The following MXD1 variants were observed in gnomAD, a reference collection of about 807,000 sequenced individuals.
MXD1 encodes MAX-binding protein.
A neutral mutation model predicts 25.7 loss-of-function variants in MXD1; 9 were observed. The observed-to-expected ratio is 0.35, with a 90% CI of 0.21 to 0.61. MXD1 has a LOEUF of 0.61. Among genes scored for constraint, MXD1 ranks in the 20% least tolerant of loss-of-function variants. The pLI is 0.75. For synonymous variants in MXD1, 99 were observed against 113.9 expected (o/e 0.87, Z 0.83); for missense variants, 227 against 292.4 (o/e 0.78, Z 1.63).
At chr2:69,923,346 C>T (rs1677107881) in intron 3 of MXD1, among the ~76,000 whole-genome samples, 1 of 152,140 alleles carries the variant, frequency 6.6e-6, no homozygotes, top group South Asian at 2.1e-4. Context: ...GCGGGCTACC[C>T]ATCCAAATTG....
Position 69,915,216 on chromosome 2 carries a change from G to T in MXD1, c.-115G>T. The T allele has an allele frequency of 1.1e-6, 1 of 936,996 alleles. No homozygotes were observed. The highest frequency in any genetic ancestry group is 1.4e-6 in the Non-Finnish European group (1 of 699,982). 58.0% of individuals were successfully genotyped at this position (936,996 alleles called of 1,614,324 possible). A position where few individuals can be genotyped will look rare whatever the true frequency, so the allele number is the denominator to read the frequency against. ...GAGGCTCCCTCAGCCCTGCTCCGCG[G>T]GGTCCACAGCGGGCTCCACAGCGGG... On this transcript the variant is annotated 5_prime_UTR_variant, in exon 1 of 6. Transcript: ENST00000264444. The surrounding 1 kb of genome is among the most constrained non-coding windows in gnomAD (Gnocchi z 5.8).
In MXD1 at chr2:69,937,274, G is replaced by A. The variant is rs1677472454; in HGVS notation, c.358G>A (p.Asp120Asn). ...TGACAGAAAAGCCGTTCACCAAATC[G>A]ACCAGCTTCAGCGAGAGCAGCGACA... Reference protein sequence around the residue: ...DCDRKAVHQIDQLQREQRHLK... With the variant: ...DCDRKAVHQINQLQREQRHLK... Residue 120 changes from aspartate to asparagine, a missense_variant, in exon 5 of 6, where the codon GAC (aspartate) becomes AAC (asparagine). By Grantham distance (23) the Asp-to-Asn change is conservative. Coordinates refer to ENST00000264444, the MANE Select transcript of MXD1 (RefSeq NM_002357.4). 3.7e-6 allele frequency: 6 copies of A among 1,613,988 alleles called. No individual in the cohort carries two copies. In the South Asian group the frequency reaches 4.4e-5, roughly 12 times the overall value.
intron 2 of MXD1, among the ~76,000 whole-genome samples, chr2:69,920,037 A>C (rs911940264): frequency 2.0e-5 from 3 of 151,352 alleles, no homozygotes; most frequent in African/African-American, 7.3e-5. Flanking sequence ...TTTGAGATGG[A>C]GTCTCCCTCT....
intron 2 of MXD1, among the ~76,000 whole-genome samples, chr2:69,918,502 C>A (rs899536168): frequency 6.6e-6 from 1 of 152,202 alleles, no homozygotes; most frequent in Non-Finnish European, 1.5e-5. Context: ...TTTTTGAAGT[C>A]AATTACTAAT....
At chr2:69,917,785 G>A (rs952379547) in intron 2 of MXD1, among the ~76,000 whole-genome samples, 19 of 150,696 alleles carry the variant, frequency 1.3e-4, no homozygotes, top group African/African-American at 4.2e-4. Flanking sequence ...GCCAAGAAAT[G>A]GATTCTTTCT....
At chr2:69,931,324 C>T (rs1239297608) in intron 3 of MXD1, among the ~76,000 whole-genome samples, 1 of 152,074 alleles carries the variant, frequency 6.6e-6, no homozygotes, top group Non-Finnish European at 1.5e-5. Flanking sequence ...ACCTCCTGCC[C>T]ACCCCCGCTA....
rs201533809 is a variant in MXD1 at position 69,937,411 on chromosome 2, C to T, written c.478+17C>T. On this transcript the variant is annotated intron_variant, in intron 5 of 5. Coordinates refer to ENST00000264444, the MANE Select transcript of MXD1 (RefSeq NM_002357.4). ...CCGACAGGGGTGAGCCTCTCTCACT[C>T]TCCTCCCTGTCTCCCTTGTGCTCCC... 161 of 1,585,568 alleles carry T rather than the reference C, an allele frequency of 1.0e-4. 1 individual carries two copies. The East Asian group carries it at 2.5e-3, about 25-fold the overall frequency.
intron 3 of MXD1, among the ~76,000 whole-genome samples, chr2:69,931,531 G>A (rs369417417): frequency 6.6e-6 from 1 of 152,198 alleles, no homozygotes; most frequent in African/African-American, 2.4e-5. Context: ...TGGCTGAATA[G>A]TACTCCATTA....
In MXD1 at chr2:69,915,218, G is replaced by C. The variant is rs1573397072; in HGVS notation, c.-113G>C. The C allele has an allele frequency of 4.1e-6, 4 of 966,838 alleles. No homozygotes were observed. Among genetic ancestry groups the C allele is most frequent in the Non-Finnish European group, 5.5e-6 (4 of 726,842 alleles). 59.9% of individuals were successfully genotyped at this position (966,838 alleles called of 1,614,324 possible). ...GGCTCCCTCAGCCCTGCTCCGCGGG[G>C]TCCACAGCGGGCTCCACAGCGGGCT... On this transcript the variant is annotated 5_prime_UTR_variant, in exon 1 of 6. Transcript: ENST00000264444. This position sits in a 1 kb window ranked among gnomAD's most constrained non-coding sequence, Gnocchi z 5.8.
In MXD1 at chr2:69,941,931, C is replaced by A. The variant is rs1175586873; in HGVS notation, c.*3647C>A. 1 of 151,948 alleles carries A rather than the reference C, an allele frequency of 6.6e-6. No homozygotes were observed. The highest frequency in any genetic ancestry group is 1.5e-5 in the Non-Finnish European group (1 of 68,016). 9.4% of individuals were successfully genotyped at this position (151,948 alleles called of 1,614,324 possible). A position where few individuals can be genotyped will look rare whatever the true frequency, so the allele number is the denominator to read the frequency against. On this transcript the variant is annotated 3_prime_UTR_variant, in exon 6 of 6. Coordinates refer to ENST00000264444, the MANE Select transcript of MXD1 (RefSeq NM_002357.4). ...ATACCATACTGTATTGGCGAGAATA[C>A]CACTATCATTGTCCTTTACAGTCTA...
chr2:69,937,025 T>A (rs1004905390), intron 4 of MXD1: 5 of 691,754 alleles, frequency 7.2e-6, no homozygotes, highest in African/African-American at 1.8e-5. Flanking sequence ...ACAGGACAAG[T>A]ACCCCCAGCA....
intron 3 of MXD1, among the ~76,000 whole-genome samples, chr2:69,929,374 CT>C (rs1487180901): frequency 6.6e-6 from 1 of 152,246 alleles, no homozygotes; most frequent in African/African-American, 2.4e-5. Flanking sequence ...ATAGCACCAT[CT>C]ACCTAATAAT....
At chr2:69,929,887 A>G (rs1677245458) in intron 3 of MXD1, among the ~76,000 whole-genome samples, 2 of 152,148 alleles carry the variant, frequency 1.3e-5, no homozygotes, top group African/African-American at 2.4e-5. Flanking sequence ...CTGTATTAGT[A>G]CTACACTGTT....
At chr2:69,928,836 C>CA (rs1677220328) in intron 3 of MXD1, among the ~76,000 whole-genome samples, 2 of 151,878 alleles carry the variant, frequency 1.3e-5, no homozygotes, top group Non-Finnish European at 2.9e-5. Context: ...ACAATGCAGA[C>CA]AAAAAAAGAA....
chr2:69,924,625 C>T (rs561030748), intron 3 of MXD1, among the ~76,000 whole-genome samples: 6 of 152,196 alleles, frequency 3.9e-5, no homozygotes, highest in South Asian at 2.1e-4. Context: ...GAATACCACT[C>T]GGGTAAATGC....
rs1223305914 is a variant in MXD1 at position 69,935,273 on chromosome 2, T to C, written c.204-78T>C. The C allele has an allele frequency of 4.9e-6, 5 of 1,030,398 alleles. No individual in the cohort carries two copies. In the East Asian group the frequency reaches 9.8e-5, roughly 20 times the overall value. 63.8% of individuals were successfully genotyped at this position (1,030,398 alleles called of 1,614,324 possible). A position where few individuals can be genotyped will look rare whatever the true frequency, so the allele number is the denominator to read the frequency against. On this transcript the variant is annotated intron_variant, in intron 3 of 5. Transcript: ENST00000264444. ...GCAAGGCCTGGGCAACTTCACACTC[T>C]TTGAGAACTCATTCTGCCTGGGGTG...
At chr2:69,932,452 G>A (rs1573407800) in intron 3 of MXD1, among the ~76,000 whole-genome samples, 1 of 152,328 alleles carries the variant, frequency 6.6e-6, no homozygotes, top group South Asian at 2.1e-4. Context: ...CAGCCATCAG[G>A]CTGCAGCAGT....
chr2:69,919,702 C>T lies in MXD1; in HGVS notation c.174-2034C>T, dbSNP rs554625569. On this transcript the variant is annotated intron_variant, in intron 2 of 5. Coordinates refer to ENST00000264444, the MANE Select transcript of MXD1 (RefSeq NM_002357.4). ...AGTCCCGGTTAAAGTTAAAATGCCA[C>T]GTGCTTTAGAGCCAAAGGTTTGCAG... 5.9e-5 allele frequency among the ~76,000 whole-genome samples: 9 copies of T among 152,224 alleles called. No individual in the cohort carries two copies. The South Asian group carries it at 1.7e-3, about 28-fold the overall frequency.
chr2:69,939,223 A>C lies in MXD1; in HGVS notation c.*939A>C, dbSNP rs890017637. The C allele has an allele frequency of 6.6e-6, 1 of 152,594 alleles. No homozygotes were observed. The highest frequency in any genetic ancestry group is 2.4e-5 in the African/African-American group (1 of 41,430). The allele number at this position is 152,594 out of a possible 1,614,324, so 9.5% of individuals were successfully genotyped here. ...CTTTCAGCAATAACTGAGCTGTGGCACTAGCAGAGCTAGTAGCCATTATCA... is the reference window on the plus strand; with the variant it reads ...CTTTCAGCAATAACTGAGCTGTGGCCCTAGCAGAGCTAGTAGCCATTATCA... On this transcript the variant is annotated 3_prime_UTR_variant, in exon 6 of 6. Transcript: ENST00000264444.
Sources: allele counts gnomAD v4.1 joint callset (sites outside exome capture counted in the v4.1 genomes callset), GRCh38; gene constraint gnomAD v4.1.1; non-coding constraint Gnocchi (gnomAD v3.1); transcripts MANE v1.5; gene names NCBI Gene and HGNC (gene_info 2026-07-23, HGNC 2026-07-21).